Variants in STK33 observed in about 807,000 individuals in gnomAD.
STK33 encodes serine/threonine kinase 33, also known as serine/threonine-protein kinase 33.
Under a neutral mutation model 58.0 loss-of-function variants are expected in STK33, and 52 were observed. The ratio of observed to expected loss-of-function variants is 0.90; its 90% CI spans 0.72 to 1.13. The LOEUF is 1.13. STK33 is among the 50% of genes most tolerant of loss of function. The pLI is 0.00. For missense variants in STK33, 630 were observed against 604.2 expected (o/e 1.04, Z -0.45); for synonymous variants, 215 against 200.1 (o/e 1.07, Z -0.63).
At chr11:8,470,102 A>G (rs1036945706) in intron 6 of STK33, among the ~76,000 whole-genome samples, 3 of 152,256 alleles carry the variant, frequency 2.0e-5, no homozygotes, top group Admixed American at 6.5e-5. Context: ...GGGGCTGTGA[A>G]GCCAAGCATT....
At chr11:8,411,239 C>T (rs939364795) in intron 15 of STK33, among the ~76,000 whole-genome samples, 26 of 152,326 alleles carry the variant, frequency 1.7e-4, no homozygotes, top group African/African-American at 6.3e-4. Context: ...CATGAGAGAA[C>T]ATTACTGTCC....
rs563545521 is a variant in STK33 at position 8,489,269 on chromosome 11, A to C, written c.-465-8655T>G. On this transcript the variant is annotated intron_variant, in intron 1 of 15. Transcript: ENST00000687296. ...AAGAAGCTATCTCCAAAAAAAAAAA[A>C]AAGAAAAAAAAAAAGAAAGAAAAGA... is the stretch of plus-strand genomic sequence containing the variant. Among the ~76,000 whole-genome samples the C allele has an allele frequency of 1.2e-4, 11 of 94,434 alleles. No individual in the cohort carries two copies. The East Asian group carries it at 3.6e-3, about 31-fold the overall frequency. 62.0% of individuals were successfully genotyped at this position (94,434 alleles called of 152,430 possible). A position where few individuals can be genotyped will look rare whatever the true frequency, so the allele number is the denominator to read the frequency against.
At chr11:8,351,051 G>T in the STK33 span, among the ~76,000 whole-genome samples, 1 of 152,188 alleles carries the variant, frequency 6.6e-6, no homozygotes, top group South Asian at 2.1e-4. Flanking sequence ...GGCTTGCCTG[G>T]TCCTGTCCTC....
intron 15 of STK33, among the ~76,000 whole-genome samples, chr11:8,394,481 C>T (rs10840032): frequency 0.19 from 28,723 of 152,090 alleles, 3,266 homozygotes; most frequent in African/African-American, 0.3. Flanking sequence ...AATATTCTAT[C>T]GAGCAGGAAT....
At chr11:8,523,985 G>C (rs1953801157) in intron 1 of STK33, among the ~76,000 whole-genome samples, 1 of 152,192 alleles carries the variant, frequency 6.6e-6, no homozygotes, top group African/African-American at 2.4e-5. Flanking sequence ...AAATTCTTCT[G>C]CCTTGGGATG....
chr11:8,468,085 T>C (rs1243908350), intron 6 of STK33, among the ~76,000 whole-genome samples: 3 of 152,092 alleles, frequency 2.0e-5, no homozygotes, highest in Non-Finnish European at 4.4e-5. Context: ...AATAAAGAGG[T>C]TCATTGGACT....
intron 1 of STK33, among the ~76,000 whole-genome samples, chr11:8,557,171 A>G: frequency 6.8e-6 from 1 of 147,376 alleles, no homozygotes; most frequent in Non-Finnish European, 1.5e-5. Context: ...GGATCACTGG[A>G]GCCTGGGAGG....
chr11:8,418,657 C>G (rs1035425647), intron 14 of STK33, among the ~76,000 whole-genome samples: 1 of 152,056 alleles, frequency 6.6e-6, no homozygotes, highest in Non-Finnish European at 1.5e-5. Context: ...TCTGAGGAAT[C>G]GCCACACTGC....
chr11:8,584,925 ATT>A (rs11331618), intron 1 of STK33, among the ~76,000 whole-genome samples: 10,037 of 139,736 alleles, frequency 0.072, 346 homozygotes, highest in East Asian at 0.13. Context: ...AAAGAAAATG[ATT>A]TTTTTTTTTT....
At chr11:8,516,059 A>G (rs1225575611) in intron 1 of STK33, among the ~76,000 whole-genome samples, 4 of 152,352 alleles carry the variant, frequency 2.6e-5, no homozygotes, top group Non-Finnish European at 5.9e-5. Context: ...AAAGAAAGCA[A>G]TCCTAAAATT....
chr11:8,484,307 T>C (rs71474990), intron 1 of STK33, among the ~76,000 whole-genome samples: 21 of 152,240 alleles, frequency 1.4e-4, no homozygotes, highest in Non-Finnish European at 2.6e-4. Flanking sequence ...GGAGGCTTTA[T>C]TACTGTTGTG....
chr11:8,552,773 T>A (rs1478555748), intron 1 of STK33, among the ~76,000 whole-genome samples: 1 of 152,118 alleles, frequency 6.6e-6, no homozygotes, highest in Non-Finnish European at 1.5e-5. Context: ...TGCCTTCTTC[T>A]GGATACCTCC....
intron 1 of STK33, among the ~76,000 whole-genome samples, chr11:8,530,753 A>C (rs1301477630): frequency 6.6e-6 from 1 of 152,136 alleles, no homozygotes; most frequent in Non-Finnish European, 1.5e-5. Context: ...GCAGTGGTGC[A>C]ATCTCGGCTC....
chr11:8,368,380 C>A, the STK33 span, among the ~76,000 whole-genome samples: 3 of 152,306 alleles, frequency 2.0e-5, no homozygotes, highest in Middle Eastern at 3.4e-3. Context: ...CAAGGAGGGT[C>A]CCTGAGAGCG....
In STK33 at chr11:8,401,616, A is replaced by C. The variant is rs963566403; in HGVS notation, c.1345-8906T>G. On this transcript the variant is annotated intron_variant, in intron 15 of 15. Coordinates refer to ENST00000687296, the MANE Select transcript of STK33 (RefSeq NM_001352389.2). ...AATGGCAACAAAAGTCAAAATTGAC[A>C]AATGGGATCTAATTAAACTAAAGAG... 8.0e-3 allele frequency among the ~76,000 whole-genome samples: 1,225 copies of C among 152,342 alleles called. 26 individuals carry two copies. The highest frequency in any genetic ancestry group is 0.027 in the African/African-American group (1,134 of 41,578).
intron 1 of STK33, among the ~76,000 whole-genome samples, chr11:8,540,805 A>C (rs1284077879): frequency 6.6e-6 from 1 of 152,178 alleles, no homozygotes; most frequent in Non-Finnish European, 1.5e-5. Flanking sequence ...TGTAGGGTGA[A>C]CAAGTTAGAG....
rs572015247 is a variant in STK33 at position 8,521,853 on chromosome 11, G to A, written c.-465-41239C>T. On this transcript the variant is annotated intron_variant, in intron 1 of 15. Transcript: ENST00000687296. ...ACACTTCTCAAAAGAAGACATTTATGCAGCCAATAGACACATGAAAAAAAT... is the reference window on the plus strand; with the variant it reads ...ACACTTCTCAAAAGAAGACATTTATACAGCCAATAGACACATGAAAAAAAT... Among the ~76,000 whole-genome samples the A allele has an allele frequency of 1.7e-3, 262 of 152,272 alleles. 2 individuals are homozygous for A. Among genetic ancestry groups the A allele is most frequent in the African/African-American group, 6.2e-3 (256 of 41,552 alleles).
chr11:8,431,308 G>A (rs971008977), intron 14 of STK33, among the ~76,000 whole-genome samples: 2 of 152,038 alleles, frequency 1.3e-5, no homozygotes, highest in African/African-American at 4.8e-5. Flanking sequence ...TATACAGAAG[G>A]AGAAAATAAC....
chr11:8,496,554 T>A (rs1190251071), intron 1 of STK33, among the ~76,000 whole-genome samples: 2 of 152,062 alleles, frequency 1.3e-5, no homozygotes, highest in African/African-American at 4.8e-5. Context: ...ATTATTTTTT[T>A]AAAATAAGCC....
Sources: gnomAD v4.1 joint callset for allele counts (sites outside exome capture counted in the v4.1 genomes callset) on GRCh38, gnomAD v4.1.1 for gene constraint, MANE v1.5 for transcripts, NCBI Gene and HGNC (gene_info 2026-07-23, HGNC 2026-07-21) for gene names.